NARS2: variants seen among roughly 807,000 people sequenced by gnomAD.
The protein encoded by NARS2 is asparaginyl-tRNA synthetase.
Under a neutral mutation model 62.9 loss-of-function variants are expected in NARS2, and 60 were observed. The ratio of observed to expected loss-of-function variants is 0.95; its 90% CI spans 0.77 to 1.18. The LOEUF (loss-of-function observed/expected upper bound fraction) is 1.18. NARS2 is among the 50% of genes most tolerant of loss of function. NARS2 has a pLI of 0.00. For synonymous variants in NARS2, 196 were observed against 200.0 expected, an observed-to-expected ratio of 0.98 and a Z score of 0.17; for missense variants, 619 against 576.4, an observed-to-expected ratio of 1.07 and a Z score of -0.76.
Position 78,449,756 on chromosome 11 carries a change from A to G in NARS2, c.1165-5998T>C, listed in dbSNP as rs541989897. On this transcript the variant is annotated intron_variant, in intron 11 of 13. Coordinates refer to ENST00000281038, the MANE Select transcript of NARS2 (RefSeq NM_024678.6). ...ATATTGAGAAGCATAACTAGCCTCT[A>G]CCCACTATAGGCCAGTTATACTCCC... 3.9e-5 allele frequency among the ~76,000 whole-genome samples: 6 copies of G among 152,274 alleles called. No homozygotes were observed. In the South Asian group the frequency reaches 1.0e-3, roughly 26 times the overall value.
At position 78,436,677 on chromosome 11, in the gene NARS2, A is replaced by T. The variant is rs900855513; in HGVS notation, c.1427T>A (p.Leu476His). The T allele has an allele frequency of 6.2e-7, 1 of 1,614,144 alleles. No individual in the cohort carries two copies. The highest frequency in any genetic ancestry group is 1.7e-5 in the Admixed American group (1 of 60,016). ...IPFPRFPHSC[L>H]L Reference sequence around the variant, plus strand: ...CCTTAACCAATCTTCCAGCTATAAAAGGCATGAATGAGGAAACCTTGGGAA... The same window carrying T: ...CCTTAACCAATCTTCCAGCTATAAATGGCATGAATGAGGAAACCTTGGGAA... The change falls in exon 14 of 14, where the codon CTT (leucine) becomes CAT (histidine). Residue 476 changes from leucine to histidine, a missense_variant. Physicochemically the swap from Leu to His is moderately conservative, Grantham distance 99. Coordinates refer to ENST00000281038, the MANE Select transcript of NARS2 (RefSeq NM_024678.6).
intron 5 of NARS2, among the ~76,000 whole-genome samples, chr11:78,531,510 A>G (rs1272917357): frequency 1.3e-5 from 2 of 152,218 alleles, no homozygotes; most frequent in African/African-American, 2.4e-5. Flanking sequence ...TCCTAGGTAC[A>G]TACCAAAAAG....
chr11:78,521,051 T>G (rs1281218978), intron 6 of NARS2, among the ~76,000 whole-genome samples: 3 of 139,702 alleles, frequency 2.1e-5, no homozygotes, highest in Admixed American at 2.1e-4. Flanking sequence ...AGAGCAAGAC[T>G]CTGTCTCCAA....
intron 11 of NARS2, among the ~76,000 whole-genome samples, chr11:78,463,713 C>CAAAAAAAAAAAAAAA (rs10649252): frequency 6.3e-5 from 3 of 47,976 alleles, no homozygotes; most frequent in Admixed American, 3.2e-4. Context: ...TAGTTAAGGT[C>CAAAAAAAAAAAAAAA]AAAAAAAAAA....
At chr11:78,459,950 A>G (rs1858328498) in intron 11 of NARS2, among the ~76,000 whole-genome samples, 1 of 152,252 alleles carries the variant, frequency 6.6e-6, no homozygotes. Context: ...TAGAGGGTCA[A>G]GAAAGGTTTC....
chr11:78,503,372 G>C (rs1225087391), intron 6 of NARS2, among the ~76,000 whole-genome samples: 1 of 152,068 alleles, frequency 6.6e-6, no homozygotes, highest in African/African-American at 2.4e-5. Context: ...CGAATAGCAG[G>C]GACTACAGGC....
chr11:78,438,581 T>G (rs1195075292), intron 13 of NARS2, among the ~76,000 whole-genome samples: 1 of 152,222 alleles, frequency 6.6e-6, no homozygotes, highest in Non-Finnish European at 1.5e-5. Flanking sequence ...GTTCAGTCTG[T>G]AGCATTTTTC....
intron 7 of NARS2, among the ~76,000 whole-genome samples, chr11:78,482,170 A>C (rs925233708): frequency 5.9e-5 from 9 of 152,190 alleles, no homozygotes; most frequent in African/African-American, 2.2e-4. Context: ...CTAGCTGTCC[A>C]AGATGAAATA....
chr11:78,518,549 G>A (rs549039875), intron 6 of NARS2, among the ~76,000 whole-genome samples: 2 of 151,202 alleles, frequency 1.3e-5, no homozygotes, highest in African/African-American at 2.4e-5. Flanking sequence ...ACGGAGTCTC[G>A]CACTTTCACC....
intron 5 of NARS2, among the ~76,000 whole-genome samples, chr11:78,557,093 T>G (rs769844739): frequency 2.0e-5 from 3 of 152,024 alleles, no homozygotes; most frequent in Non-Finnish European, 4.4e-5. Context: ...AATATCAAAG[T>G]AGGAAATGGA....
chr11:78,505,768 T>A (rs927823986), intron 6 of NARS2, among the ~76,000 whole-genome samples: 2 of 152,082 alleles, frequency 1.3e-5, no homozygotes, highest in Admixed American at 6.5e-5. Flanking sequence ...AGCTAAGATA[T>A]AAAATCCCTA....
At chr11:78,530,698 C>G (rs995385475) in intron 5 of NARS2, among the ~76,000 whole-genome samples, 2 of 152,108 alleles carry the variant, frequency 1.3e-5, no homozygotes, top group Non-Finnish European at 2.9e-5. Context: ...GTCTCCTGAC[C>G]TCAAGTGATC....
chr11:78,543,172 C>T (rs1035631032), intron 5 of NARS2, among the ~76,000 whole-genome samples: 1 of 151,554 alleles, frequency 6.6e-6, no homozygotes, highest in Non-Finnish European at 1.5e-5. Flanking sequence ...AGCAAAACTA[C>T]GTGTCAAAAA....
intron 5 of NARS2, among the ~76,000 whole-genome samples, chr11:78,542,503 A>G (rs1206751978): frequency 1.3e-5 from 2 of 152,108 alleles, no homozygotes; most frequent in Admixed American, 6.5e-5. Flanking sequence ...TTAAGGATGA[A>G]TATGATAAGA....
At chr11:78,472,246 T>G (rs1183116931) in intron 9 of NARS2, among the ~76,000 whole-genome samples, 3 of 152,194 alleles carry the variant, frequency 2.0e-5, no homozygotes, top group Non-Finnish European at 4.4e-5. Context: ...CTCTTCTCCT[T>G]TCCAGAAACT....
intron 9 of NARS2, among the ~76,000 whole-genome samples, chr11:78,472,568 A>T (rs1647581675): frequency 6.6e-6 from 1 of 152,238 alleles, no homozygotes; most frequent in Non-Finnish European, 1.5e-5. Context: ...CCATTACTAC[A>T]CGAGTTGCTG....
At chr11:78,469,373 C>A in intron 9 of NARS2, 60 bp from the exon 10 acceptor site, 1 of 1,275,488 alleles carries the variant, frequency 7.8e-7, no homozygotes, top group South Asian at 1.2e-5. Flanking sequence ...CTAACTAGTT[C>A]ATTTTAAAAC....
chr11:78,567,419 C>G (rs1188490200), intron 3 of NARS2, among the ~76,000 whole-genome samples: 1 of 152,122 alleles, frequency 6.6e-6, no homozygotes, highest in African/African-American at 2.4e-5. Flanking sequence ...AGAATTATTT[C>G]TAGAATTTTC....
chr11:78,478,870 G>C (rs927124867), intron 7 of NARS2, among the ~76,000 whole-genome samples, 187 bp from the exon 8 acceptor site: 4 of 152,114 alleles, frequency 2.6e-5, no homozygotes, highest in African/African-American at 9.7e-5. Context: ...GTGGGTGGCA[G>C]GGAGGAAGAA....
Sources: allele counts gnomAD v4.1 joint callset (sites outside exome capture counted in the v4.1 genomes callset), GRCh38; gene constraint gnomAD v4.1.1; transcripts MANE v1.5; gene names NCBI Gene and HGNC (gene_info 2026-07-23, HGNC 2026-07-21).